CAB39: variants seen among roughly 807,000 people sequenced by gnomAD.
The protein encoded by CAB39 is calcium-binding protein 39.
In CAB39, 8 loss-of-function variants were observed where a neutral mutation model predicts 40.0. That is an observed-to-expected ratio of 0.20 (90% CI 0.12 to 0.36). The LOEUF is 0.36. Ranked by LOEUF, CAB39 falls within the 10% of genes least tolerant of loss-of-function variation. The pLI is 1.00. For synonymous variants in CAB39, 156 were observed against 141.6 expected, an observed-to-expected ratio of 1.10 and a Z score of -0.72; for missense variants, 270 against 401.1, an observed-to-expected ratio of 0.67 and a Z score of 2.79.
At chr2:230,720,061 G>A (rs903391172) in intron 1 of CAB39, among the ~76,000 whole-genome samples, 2 of 152,156 alleles carry the variant, frequency 1.3e-5, no homozygotes, top group Non-Finnish European at 2.9e-5. Context: ...ATGTTTTATG[G>A]TTGTAAAGTA....
chr2:230,785,296 G>T (rs1396141320), intron 2 of CAB39, among the ~76,000 whole-genome samples: 2 of 148,888 alleles, frequency 1.3e-5, no homozygotes, highest in African/African-American at 2.5e-5. Flanking sequence ...TGAGGAAAAA[G>T]ACTTGGACTA....
intron 2 of CAB39, 42 bp downstream of exon 2, chr2:230,760,157 G>A (rs1401243284): frequency 1.6e-6 from 2 of 1,224,052 alleles, no homozygotes; most frequent in Admixed American, 1.7e-5. Context: ...ATCTTAATTA[G>A]CAAATGCAAG....
intron 1 of CAB39, among the ~76,000 whole-genome samples, chr2:230,723,592 T>C (rs1006994652): frequency 2.6e-5 from 4 of 152,180 alleles, no homozygotes; most frequent in Admixed American, 6.5e-5. Context: ...TGCCCCACAC[T>C]GTCCTTGAAG....
At chr2:230,805,194 C>G (rs1696169103) in intron 5 of CAB39, among the ~76,000 whole-genome samples, 1 of 149,322 alleles carries the variant, frequency 6.7e-6, no homozygotes, top group African/African-American at 2.5e-5. Context: ...GCGAATTGAA[C>G]AATGATGAGA....
At chr2:230,757,194 T>G (rs775516756) in intron 1 of CAB39, among the ~76,000 whole-genome samples, 9 of 152,106 alleles carry the variant, frequency 5.9e-5, no homozygotes, top group Non-Finnish European at 1.2e-4. Context: ...TAGGCTCAAG[T>G]GATGCTCCAG....
At chr2:230,720,128 G>A (rs1011276891) in intron 1 of CAB39, among the ~76,000 whole-genome samples, 32 of 152,162 alleles carry the variant, frequency 2.1e-4, no homozygotes, top group African/African-American at 7.7e-4. Context: ...CATCAGTTTC[G>A]TTGTCACAAT....
intron 1 of CAB39, among the ~76,000 whole-genome samples, chr2:230,736,375 CT>C (rs1289600600): frequency 1.3e-5 from 2 of 152,152 alleles, no homozygotes; most frequent in African/African-American, 4.8e-5. Flanking sequence ...TTCCTTCTCT[CT>C]TTTTTTCTTC....
intron 1 of CAB39, among the ~76,000 whole-genome samples, chr2:230,754,755 G>A (rs1471703195): frequency 6.6e-6 from 1 of 152,184 alleles, no homozygotes. Context: ...CTGATCTCAG[G>A]TGATACACCT....
chr2:230,805,836 G>C (rs986914020), intron 5 of CAB39, among the ~76,000 whole-genome samples: 1 of 152,212 alleles, frequency 6.6e-6, no homozygotes, highest in African/African-American at 2.4e-5. Context: ...CCGTCACCCT[G>C]CAGAGAAACT....
intron 2 of CAB39, among the ~76,000 whole-genome samples, chr2:230,781,038 C>T (rs1695677412): frequency 6.6e-6 from 1 of 151,148 alleles, no homozygotes; most frequent in African/African-American, 2.4e-5. Flanking sequence ...GACATAATTG[C>T]ACCACGGCAT....
chr2:230,773,699 A>G (rs2124934751), intron 2 of CAB39, among the ~76,000 whole-genome samples: 1 of 152,216 alleles, frequency 6.6e-6, no homozygotes, highest in Non-Finnish European at 1.5e-5. Flanking sequence ...TGAGCAGAGT[A>G]ATGTTGTAGG....
rs954864063 is a variant in CAB39 at position 230,819,065 on chromosome 2, G to C, written c.*361G>C. On this transcript the variant is annotated 3_prime_UTR_variant, in exon 9 of 9. Transcript: ENST00000258418. Reference sequence around the variant, plus strand: ...TGTGTTTGCACCCATCTTTGTTGGCGATCTGAGTGCAGTGTGGCAAGTGCA... The same window carrying C: ...TGTGTTTGCACCCATCTTTGTTGGCCATCTGAGTGCAGTGTGGCAAGTGCA... 3 of 167,016 alleles carry C rather than the reference G, an allele frequency of 1.8e-5. No individual in the cohort carries two copies. Among genetic ancestry groups the C allele is most frequent in the Non-Finnish European group, 3.9e-5 (3 of 77,044 alleles). 10.3% of individuals were successfully genotyped at this position (167,016 alleles called of 1,614,324 possible).
intron 1 of CAB39, among the ~76,000 whole-genome samples, chr2:230,756,155 T>C (rs1196507072): frequency 6.6e-6 from 1 of 152,228 alleles, no homozygotes; most frequent in Non-Finnish European, 1.5e-5. Flanking sequence ...CCTGTGTTGC[T>C]TAACAACTGG....
At chr2:230,813,054 C>G (rs1696331811) in intron 6 of CAB39, among the ~76,000 whole-genome samples, 1 of 152,166 alleles carries the variant, frequency 6.6e-6, no homozygotes, top group Non-Finnish European at 1.5e-5. Context: ...CAGGCATCCC[C>G]CGGCACTCGC....
At chr2:230,772,415 A>G (rs185927623) in intron 2 of CAB39, among the ~76,000 whole-genome samples, 22 of 152,186 alleles carry the variant, frequency 1.4e-4, no homozygotes, top group Non-Finnish European at 2.6e-4. Context: ...AATGTTGGCA[A>G]GGATACAGAG....
chr2:230,762,446 A>G (rs1273197396), intron 2 of CAB39, among the ~76,000 whole-genome samples: 4 of 152,206 alleles, frequency 2.6e-5, no homozygotes, highest in Non-Finnish European at 5.9e-5. Context: ...AGCAGTCCTG[A>G]TAGCCCTACA....
intron 1 of CAB39, among the ~76,000 whole-genome samples, chr2:230,735,917 T>C (rs967119399): frequency 6.6e-6 from 1 of 152,220 alleles, no homozygotes; most frequent in Non-Finnish European, 1.5e-5. Context: ...TTGGAAGTAT[T>C]TTCATTCATC....
At chr2:230,787,317 T>C (rs1695810369) in intron 2 of CAB39, among the ~76,000 whole-genome samples, 4 of 152,210 alleles carry the variant, frequency 2.6e-5, no homozygotes, top group Admixed American at 2.0e-4. Context: ...TATTCATGCG[T>C]CATTCCTTTC....
chr2:230,748,831 A>AAAAAATATATATAT (rs1386799920), intron 1 of CAB39, among the ~76,000 whole-genome samples: 19 of 28,488 alleles, frequency 6.7e-4, no homozygotes, highest in East Asian at 1.5e-3. Flanking sequence ...AAAAAAAAAA[A>AAAAAATATATATAT]ATATATATAT....
Sources: allele counts gnomAD v4.1 joint callset (sites outside exome capture counted in the v4.1 genomes callset), GRCh38; gene constraint gnomAD v4.1.1; transcripts MANE v1.5; gene names NCBI Gene and HGNC (gene_info 2026-07-23, HGNC 2026-07-21).